The following DPP3 variants were observed in gnomAD, a reference collection of about 807,000 sequenced individuals.
DPP3 encodes the protein dipeptidyl peptidase 3, also known as DPP III.
A neutral mutation model predicts 89.8 loss-of-function variants in DPP3; 64 were observed. The ratio of observed to expected loss-of-function variants is 0.71; its 90% CI spans 0.58 to 0.88. DPP3 has a LOEUF of 0.88. Ranked by LOEUF, DPP3 falls within the 40% of genes least tolerant of loss-of-function variation. DPP3 has a pLI of 0.00. For missense variants in DPP3, 835 were observed against 972.5 expected (o/e 0.86, Z 1.88); for synonymous variants, 377 against 404.3 (o/e 0.93, Z 0.81).
At chr11:66,488,563 AG>A (rs1251510657) in intron 6 of DPP3, among the ~76,000 whole-genome samples, 2 of 140,618 alleles carry the variant, frequency 1.4e-5, no homozygotes, top group African/African-American at 2.6e-5. Flanking sequence ...CTCCAGATCA[AG>A]GAAAAAAAAA....
chr11:66,480,959 C>T (rs954326254), intron 1 of DPP3: 21 of 154,700 alleles, frequency 1.4e-4, no homozygotes, highest in South Asian at 5.9e-4. Context: ...CAGTTTCAAG[C>T]AAAATCATTT....
Position 66,486,577 on chromosome 11 carries a change from C to T in DPP3, c.398C>T (p.Ala133Val), listed in dbSNP as rs1484370481. ...CGGGTGATCCTAGGGAGTGAGGCTG[C>T]TCAGCAGCACCCAGAAGAAGTCAGG... ...LERVILGSEA[A>V]QQHPEEVRGL... Residue 133 changes from alanine to valine, a missense_variant, in exon 4 of 18, where the codon GCT becomes GTT. Ala to Val is a moderately conservative substitution (Grantham distance 64). Transcript: ENST00000531863. The T allele has an allele frequency of 1.9e-6, 3 of 1,572,880 alleles. No homozygotes were observed. Among genetic ancestry groups the T allele is most frequent in the Non-Finnish European group, 2.6e-6 (3 of 1,159,560 alleles).
At chr11:66,508,856 A>C (rs1459009056) in intron 17 of DPP3, among the ~76,000 whole-genome samples, 1 of 152,156 alleles carries the variant, frequency 6.6e-6, no homozygotes, top group East Asian at 1.9e-4. Context: ...GAATGAACGA[A>C]AGCAGCAATG....
Position 66,486,566 on chromosome 11 carries a change from G to T in DPP3, c.387G>T (p.Gly129=). ...AAAAGCTGGAACGGGTGATCCTAGG[G>T]AGTGAGGCTGCTCAGCAGCACCCAG... ...PKEKLERVIL[G]SEAAQQHPEE... The change falls in exon 4 of 18, where the codon GGG becomes GGT. Residue 129 remains glycine, a synonymous_variant. Coordinates refer to ENST00000531863, the MANE Select transcript of DPP3 (RefSeq NM_130443.4). 1.9e-6 allele frequency: 3 copies of T among 1,562,170 alleles called. No individual in the cohort carries two copies. The highest frequency in any genetic ancestry group is 1.2e-5 in the South Asian group (1 of 84,090).
chr11:66,482,830 T>C (rs1479205197), intron 2 of DPP3, among the ~76,000 whole-genome samples: 1 of 152,224 alleles, frequency 6.6e-6, no homozygotes, highest in Non-Finnish European at 1.5e-5. Flanking sequence ...CCACACTGTG[T>C]GGCCCTGGGC....
chr11:66,482,481 T>A lies in DPP3; in HGVS notation c.270+11T>A. 6.3e-7 allele frequency: 1 copy of A among 1,599,896 alleles called. No homozygotes were observed. The highest frequency in any genetic ancestry group is 8.5e-7 in the Non-Finnish European group (1 of 1,177,608). On this transcript the variant is annotated intron_variant, in intron 2 of 17. Coordinates refer to ENST00000531863, the MANE Select transcript of DPP3 (RefSeq NM_130443.4). The stretch of plus-strand genomic sequence containing the variant: ...GAGGAGGAGTATCAGGTCAGTTCTC[T>A]TGGGCCAACCCACATTACCTGAGTG...
At chr11:66,498,278 G>A (rs1284309682) in intron 16 of DPP3, among the ~76,000 whole-genome samples, 1 of 152,074 alleles carries the variant, frequency 6.6e-6, no homozygotes, top group Non-Finnish European at 1.5e-5. Flanking sequence ...TATTTTTAGT[G>A]GAGACAGGGT....
rs536509110 is a variant in DPP3, at chr11:66,497,688, C to T, written c.1878+211C>T. ...GGCAGATCACTTGAGCTCAGGAGTT[C>T]GAGACTAGCCTGGGCAACATGGCAA... On this transcript the variant is annotated intron_variant, in intron 16 of 17. Coordinates refer to ENST00000531863, the MANE Select transcript of DPP3 (RefSeq NM_130443.4). Among the ~76,000 whole-genome samples the T allele has an allele frequency of 1.4e-4, 21 of 152,194 alleles. 1 individual carries two copies. The South Asian group carries it at 4.4e-3, about 32-fold the overall frequency.
intron 16 of DPP3, among the ~76,000 whole-genome samples, chr11:66,502,370 A>T (rs1855700061): frequency 6.6e-6 from 1 of 150,600 alleles, no homozygotes; most frequent in Admixed American, 6.6e-5. Flanking sequence ...TGCAGTGGCA[A>T]GTTCTTGGCT....
At chr11:66,502,525 A>G (rs1206377036) in intron 16 of DPP3, among the ~76,000 whole-genome samples, 2 of 151,480 alleles carry the variant, frequency 1.3e-5, no homozygotes, top group African/African-American at 2.4e-5. Flanking sequence ...GCTGGAGTGC[A>G]GTGGCGTGAT....
rs139251036 is a variant in DPP3, at chr11:66,504,727, G to A, written c.1994G>A (p.Arg665His). ...FLTLRDTVLL[R>H]KESRKLIVQP... ...ACCCTCAGGGACACGGTGCTGCTGC[G>A]TAAGGAATCTCGGAAGCTCATTGTT... is the stretch of plus-strand genomic sequence containing the variant. The change falls in exon 17 of 18, where the codon CGT (arginine) becomes CAT (histidine). Residue 665 changes from arginine (R) to histidine (H), a missense_variant. Physicochemically the swap from Arg to His is conservative, Grantham distance 29. Coordinates refer to ENST00000531863, the MANE Select transcript of DPP3 (RefSeq NM_130443.4). 1.8e-4 allele frequency: 293 copies of A among 1,612,730 alleles called. No individual in the cohort carries two copies. The highest frequency in any genetic ancestry group is 2.2e-4 in the Non-Finnish European group (255 of 1,179,628).
intron 17 of DPP3, among the ~76,000 whole-genome samples, chr11:66,508,658 G>A (rs1855863857): frequency 6.6e-6 from 1 of 152,144 alleles, no homozygotes. Flanking sequence ...GAGTAGCTGG[G>A]ACTACAGGCT....
At position 66,480,478 on chromosome 11, in the gene DPP3, G is replaced by T. The variant is rs201721993; in HGVS notation, c.-9+13G>T. The T allele has an allele frequency of 1.3e-6, 2 of 1,485,088 alleles. No homozygotes were observed. The highest frequency in any genetic ancestry group is 1.8e-6 in the Non-Finnish European group (2 of 1,125,588). 92.0% of individuals were successfully genotyped at this position (1,485,088 alleles called of 1,614,324 possible). A position where few individuals can be genotyped will look rare whatever the true frequency, so the allele number is the denominator to read the frequency against. On this transcript the variant is annotated intron_variant, in intron 1 of 17. Transcript: ENST00000531863. Reference sequence around the variant, plus strand: ...GCAGCTGCTGCAGGTGAGGCGCGGCGCCTGGGCTTTTGGGGTCAAAGCGTG... The same window carrying T: ...GCAGCTGCTGCAGGTGAGGCGCGGCTCCTGGGCTTTTGGGGTCAAAGCGTG...
Position 66,493,588 on chromosome 11 carries a change from C to T in DPP3, c.1344C>T (p.Gly448=), listed in dbSNP as rs1855455178. The T allele has an allele frequency of 6.2e-7, 1 of 1,613,104 alleles. No individual in the cohort carries two copies. The highest frequency in any genetic ancestry group is 8.5e-7 in the Non-Finnish European group (1 of 1,179,922). Residue 448 remains glycine (G), a synonymous_variant, in exon 12 of 18, where the codon GGC becomes GGT. Coordinates refer to ENST00000531863, the MANE Select transcript of DPP3 (RefSeq NM_130443.4). The part of the protein sequence containing the change: ...WKGPSFDVQV[G]LHELLGHGSG... ...GGCCCTCCTTCGATGTGCAGGTGGGCCTGCACGAGCTGCTGGGCCATGGCA... is the reference window on the plus strand; with the variant it reads ...GGCCCTCCTTCGATGTGCAGGTGGGTCTGCACGAGCTGCTGGGCCATGGCA...
chr11:66,481,772 C>T (rs1418272256), intron 1 of DPP3, among the ~76,000 whole-genome samples: 1 of 151,992 alleles, frequency 6.6e-6, no homozygotes, highest in African/African-American at 2.4e-5. Context: ...CTCAGCCTTC[C>T]CAGTAGCTGA....
Position 66,491,588 on chromosome 11 carries a change from G to A in DPP3, c.893G>A (p.Arg298His), listed in dbSNP as rs201367893. Residue 298 changes from arginine to histidine, a missense_variant, in exon 8 of 18, where the codon CGC becomes CAC. Arg to His is a conservative substitution (Grantham distance 29). Transcript: ENST00000531863. ...GSIEAHKRGS[R>H]FWIQDKGPIV... ...ATCGAGGCCCACAAGAGGGGCTCCC[G>A]CTTCTGGATCCAGGACAAAGGCCCC... 1.4e-5 allele frequency: 22 copies of A among 1,613,836 alleles called. No individual in the cohort carries two copies. Among genetic ancestry groups the A allele is most frequent in the East Asian group, 1.1e-4 (5 of 44,870 alleles).
chr11:66,485,067 C>A (rs1855185487), intron 2 of DPP3, 106 bp from the exon 3 acceptor site: 3 of 1,092,214 alleles, frequency 2.7e-6, no homozygotes, highest in South Asian at 2.7e-5. Flanking sequence ...CATTTCCCAG[C>A]CTCACCCACA....
intron 16 of DPP3, among the ~76,000 whole-genome samples, chr11:66,503,196 A>T (rs1287566356): frequency 6.7e-6 from 1 of 148,366 alleles, no homozygotes; most frequent in Non-Finnish European, 1.5e-5. Flanking sequence ...TGAACTCCTG[A>T]CCTCAGGTGA....
In DPP3 at chr11:66,504,568, C is replaced by CG. The variant is rs754930084; in HGVS notation, c.1879-41dup. 2.6e-6 allele frequency: 4 copies of CG among 1,560,650 alleles called. No homozygotes were observed. In the East Asian group the frequency reaches 9.2e-5, roughly 36 times the overall value. The stretch of plus-strand genomic sequence containing the variant: ...GCCTATGGCAGAGCCCTGTGGACAC[C>CG]GGGTAACTGCCCATCCTAGACATTT... On this transcript the variant is annotated intron_variant, in intron 16 of 17. Transcript: ENST00000531863.
Sources: allele counts gnomAD v4.1 joint callset (sites outside exome capture counted in the v4.1 genomes callset), GRCh38; gene constraint gnomAD v4.1.1; transcripts MANE v1.5; gene names NCBI Gene and HGNC (gene_info 2026-07-23, HGNC 2026-07-21).